The following EBF1 variants were observed in gnomAD, a reference collection of about 807,000 sequenced individuals.
EBF1 encodes the protein EBF transcription factor 1.
Under a neutral mutation model 68.4 loss-of-function variants are expected in EBF1, and 10 were observed. The observed-to-expected ratio is 0.15, with a 90% CI of 0.09 to 0.25. The LOEUF (loss-of-function observed/expected upper bound fraction) is 0.25, where lower values mean the gene tolerates loss of function less well. Ranked by LOEUF, EBF1 falls within the 10% of genes least tolerant of loss-of-function variation. The pLI is 1.00. For synonymous variants in EBF1, 298 were observed against 299.8 expected (o/e 0.99, Z 0.06); for missense variants, 509 against 794.4 (o/e 0.64, Z 4.32).
intron 6 of EBF1, among the ~76,000 whole-genome samples, chr5:158,921,787 A>C (rs1381287394): frequency 6.6e-6 from 1 of 152,200 alleles, no homozygotes; most frequent in Non-Finnish European, 1.5e-5. Context: ...AAGCCCAATA[A>C]TTGGCACAGC....
At chr5:158,807,540 T>C (rs954765323) in intron 8 of EBF1, among the ~76,000 whole-genome samples, 7 of 152,132 alleles carry the variant, frequency 4.6e-5, no homozygotes, top group African/African-American at 1.7e-4. Context: ...AACCCAAACA[T>C]AAATATGGCT....
chr5:159,062,129 CAATT>C (rs985706058), intron 6 of EBF1, among the ~76,000 whole-genome samples: 1 of 152,194 alleles, frequency 6.6e-6, no homozygotes, highest in East Asian at 1.9e-4. Context: ...CACGGCCTCT[CAATT>C]AACCTGATTA....
At chr5:158,799,870 A>T (rs549146783) in intron 8 of EBF1, among the ~76,000 whole-genome samples, 1 of 152,266 alleles carries the variant, frequency 6.6e-6, no homozygotes, top group East Asian at 1.9e-4. Context: ...TCAATCTTTC[A>T]ATGTTGGAAA....
At position 158,698,966 on chromosome 5, in the gene EBF1, G is replaced by T; in HGVS notation, c.*145C>A. On this transcript the variant is annotated 3_prime_UTR_variant, in exon 16 of 16. Coordinates refer to ENST00000313708, the MANE Select transcript of EBF1 (RefSeq NM_024007.5). ...CAATTTCAGTATTTGCAAGGTCGGT[G>T]ATTTTGTTTGTTTAAAAATCTGCAG... 1 of 660,494 alleles carries T rather than the reference G, an allele frequency of 1.5e-6. No individual in the cohort carries two copies. Among genetic ancestry groups the T allele is most frequent in the Non-Finnish European group, 2.4e-6 (1 of 421,286 alleles). The allele number at this position is 660,494 out of a possible 1,614,324, so 40.9% of individuals were successfully genotyped here. A position where few individuals can be genotyped will look rare whatever the true frequency, so the allele number is the denominator to read the frequency against.
At chr5:159,021,931 C>T (rs1006462635) in intron 6 of EBF1, among the ~76,000 whole-genome samples, 2 of 151,958 alleles carry the variant, frequency 1.3e-5, no homozygotes, top group Non-Finnish European at 2.9e-5. Context: ...TGGGGCACAG[C>T]TTTAATGCCT....
intron 6 of EBF1, among the ~76,000 whole-genome samples, chr5:158,884,279 G>T (rs7442733): frequency 1 from 152,266 of 152,268 alleles, 76,132 homozygotes; most frequent in Non-Finnish European, 1. Context: ...AAATGAGGAG[G>T]TGAAAGTCAG....
chr5:158,727,020 A>C (rs1393084447), intron 11 of EBF1, among the ~76,000 whole-genome samples: 1 of 152,224 alleles, frequency 6.6e-6, no homozygotes, highest in Non-Finnish European at 1.5e-5. Flanking sequence ...CCTGACAACA[A>C]TGCCGTGAGG....
chr5:159,076,213 G>A (rs1349045604), intron 5 of EBF1, among the ~76,000 whole-genome samples: 2 of 151,932 alleles, frequency 1.3e-5, no homozygotes, highest in Non-Finnish European at 2.9e-5. Flanking sequence ...TAAGGCCTGG[G>A]GTAGAATAGA....
At chr5:158,951,341 C>A (rs1265721369) in intron 6 of EBF1, among the ~76,000 whole-genome samples, 1 of 152,180 alleles carries the variant, frequency 6.6e-6, no homozygotes, top group Admixed American at 6.5e-5. Context: ...AAGGCAATGG[C>A]AAAAGAGGGA....
intron 6 of EBF1, among the ~76,000 whole-genome samples, chr5:159,037,920 A>G (rs142863557): frequency 6.6e-6 from 1 of 152,294 alleles, no homozygotes; most frequent in African/African-American, 2.4e-5. Context: ...TCCTAGGGAA[A>G]GAGGACTGGG....
chr5:159,032,120 A>T (rs1416606682), intron 6 of EBF1, among the ~76,000 whole-genome samples: 1 of 152,134 alleles, frequency 6.6e-6, no homozygotes, highest in African/African-American at 2.4e-5. Context: ...CAACAGGTGT[A>T]ACAAATGCCC....
At chr5:158,873,559 G>A (rs1220870923) in intron 6 of EBF1, among the ~76,000 whole-genome samples, 1 of 152,056 alleles carries the variant, frequency 6.6e-6, no homozygotes, top group African/African-American at 2.4e-5. Flanking sequence ...TACTATGAAT[G>A]AAAACCCATA....
chr5:158,742,611 C>T (rs1190466974), intron 10 of EBF1, among the ~76,000 whole-genome samples: 1 of 152,186 alleles, frequency 6.6e-6, no homozygotes, highest in Non-Finnish European at 1.5e-5. Flanking sequence ...CAGAAAGACA[C>T]AAACAGAATT....
At chr5:158,717,406 C>T (rs1182127420) in intron 11 of EBF1, among the ~76,000 whole-genome samples, 1 of 152,112 alleles carries the variant, frequency 6.6e-6, no homozygotes, top group Non-Finnish European at 1.5e-5. Context: ...TTTTTTGTGG[C>T]ATTAGGCAGG....
At chr5:158,765,539 A>C (rs1325268217) in intron 10 of EBF1, among the ~76,000 whole-genome samples, 4 of 152,184 alleles carry the variant, frequency 2.6e-5, no homozygotes, top group Admixed American at 6.5e-5. Context: ...CCAGGTGGCT[A>C]TGCCTAGCAA....
chr5:158,879,576 T>G (rs1203734058), intron 6 of EBF1, among the ~76,000 whole-genome samples: 2 of 152,196 alleles, frequency 1.3e-5, no homozygotes, highest in Non-Finnish European at 2.9e-5. Flanking sequence ...ACATTTGGGA[T>G]GGTTCCAAGT....
At chr5:159,072,869 A>G (rs1405505886) in intron 6 of EBF1, among the ~76,000 whole-genome samples, 1 of 152,196 alleles carries the variant, frequency 6.6e-6, no homozygotes, top group East Asian at 1.9e-4. Context: ...TCAACTTACA[A>G]TATGGTCTCA....
intron 6 of EBF1, among the ~76,000 whole-genome samples, chr5:159,031,341 C>A (rs1217092317): frequency 6.6e-6 from 1 of 152,176 alleles, no homozygotes; most frequent in Non-Finnish European, 1.5e-5. Flanking sequence ...GTCCAGAATC[C>A]ACTAAGACAG....
At chr5:158,839,416 T>G (rs1351711410) in intron 7 of EBF1, among the ~76,000 whole-genome samples, 1 of 152,170 alleles carries the variant, frequency 6.6e-6, no homozygotes, top group African/African-American at 2.4e-5. Context: ...GTATAGGATC[T>G]TACTCCGTTA....
Sources: gnomAD v4.1 joint callset for allele counts (sites outside exome capture counted in the v4.1 genomes callset) on GRCh38, gnomAD v4.1.1 for gene constraint, MANE v1.5 for transcripts, NCBI Gene and HGNC (gene_info 2026-07-23, HGNC 2026-07-21) for gene names.